Variants in ZNF804B observed in about 807,000 individuals in gnomAD.
The protein encoded by ZNF804B is zinc finger 804B.
ZNF804B carries 80 observed loss-of-function variants against 101.4 expected under a neutral mutation model. That is an observed-to-expected ratio of 0.79 (90% CI 0.66 to 0.95). The LOEUF (loss-of-function observed/expected upper bound fraction) is 0.95. Among genes scored for constraint, ZNF804B ranks in the 40% least tolerant of loss-of-function variants. The probability of loss-of-function intolerance (pLI) is 0.00; values close to 1 mark genes in which losing one functional copy is unlikely to be tolerated. For missense variants in ZNF804B, 1,673 were observed against 1,561.9 expected, an observed-to-expected ratio of 1.07 and a Z score of -1.20; for synonymous variants, 622 against 558.8, an observed-to-expected ratio of 1.11 and a Z score of -1.59.
chr7:88,911,891 G>A (rs1324247259), intron 1 of ZNF804B, among the ~76,000 whole-genome samples: 1 of 151,584 alleles, frequency 6.6e-6, no homozygotes, highest in East Asian at 1.9e-4. Flanking sequence ...TATGTTATAT[G>A]TGTATATCTA....
intron 1 of ZNF804B, among the ~76,000 whole-genome samples, chr7:88,937,698 T>C (rs1792994210): frequency 1.3e-5 from 2 of 151,930 alleles, no homozygotes; most frequent in South Asian, 4.1e-4. Flanking sequence ...GAAGCAAAAG[T>C]CAATGACATA....
At chr7:89,105,803 G>T (rs1472968522) in intron 1 of ZNF804B, among the ~76,000 whole-genome samples, 1 of 152,158 alleles carries the variant, frequency 6.6e-6, no homozygotes, top group Admixed American at 6.6e-5. Context: ...AGCAAGCCCA[G>T]CCAGACCTCT....
At chr7:88,951,821 T>G (rs947546750) in intron 1 of ZNF804B, among the ~76,000 whole-genome samples, 5 of 151,962 alleles carry the variant, frequency 3.3e-5, no homozygotes, top group African/African-American at 1.2e-4. Context: ...TTTAACATAT[T>G]TCTGAATAAC....
rs189057288 is a variant in ZNF804B, at chr7:88,948,276, A to C, written c.108+188192A>C. Among the ~76,000 whole-genome samples the C allele has an allele frequency of 5.3e-5, 8 of 150,840 alleles. No homozygotes were observed. The East Asian group carries it at 1.6e-3, about 30-fold the overall frequency. ...TAGAGACAAGGTCGCCTCAGCACAG[A>C]AACAACCTTCGTGTACTAGCCACCC... is the stretch of plus-strand genomic sequence containing the variant. On this transcript the variant is annotated intron_variant, in intron 1 of 3. Coordinates refer to ENST00000333190, the MANE Select transcript of ZNF804B (RefSeq NM_181646.5).
chr7:88,769,056 G>T (rs571437328), intron 1 of ZNF804B, among the ~76,000 whole-genome samples: 15 of 152,204 alleles, frequency 9.9e-5, no homozygotes, highest in Admixed American at 1.3e-4. Flanking sequence ...CAGATTGTGT[G>T]TGTTGATATG....
intron 1 of ZNF804B, among the ~76,000 whole-genome samples, chr7:89,062,145 A>G (rs1263661983): frequency 1.3e-5 from 2 of 152,130 alleles, no homozygotes; most frequent in Non-Finnish European, 2.9e-5. Flanking sequence ...TACTCTGTCA[A>G]TAGGAAGTCT....
intron 2 of ZNF804B, among the ~76,000 whole-genome samples, chr7:89,264,811 A>G (rs968619343): frequency 2.0e-5 from 3 of 152,188 alleles, no homozygotes; most frequent in Non-Finnish European, 4.4e-5. Context: ...TCACTGGCAC[A>G]TCTCCATTAG....
intron 1 of ZNF804B, among the ~76,000 whole-genome samples, chr7:88,943,478 C>G (rs564881049): frequency 1.8e-4 from 28 of 151,900 alleles, no homozygotes; most frequent in Non-Finnish European, 3.8e-4. Context: ...TCAAGCCATA[C>G]AGCAGTAAAT....
chr7:88,846,408 A>T (rs924024446), intron 1 of ZNF804B, among the ~76,000 whole-genome samples: 2 of 152,192 alleles, frequency 1.3e-5, no homozygotes, highest in African/African-American at 4.8e-5. Context: ...TACAAAAAGG[A>T]GGAATGAAAA....
rs1791136617 is a variant in ZNF804B at position 89,338,375 on chromosome 7, C to T, written c.*1343C>T. Among the ~76,000 whole-genome samples, 1 of 151,992 alleles carries T rather than the reference C, an allele frequency of 6.6e-6. No homozygotes were observed. The highest frequency in any genetic ancestry group is 2.4e-5 in the African/African-American group (1 of 41,400). Reference sequence around the variant, plus strand: ...TACCCTATCCACTTGTTTGCATTATCTTCTTTAATTTTCACAACTGTATTT... The same window carrying T: ...TACCCTATCCACTTGTTTGCATTATTTTCTTTAATTTTCACAACTGTATTT... On this transcript the variant is annotated 3_prime_UTR_variant, in exon 4 of 4. Transcript: ENST00000333190.
At chr7:88,973,291 A>G (rs1004540754) in intron 1 of ZNF804B, among the ~76,000 whole-genome samples, 4 of 151,324 alleles carry the variant, frequency 2.6e-5, no homozygotes, top group African/African-American at 9.7e-5. Context: ...GAATAAGTTT[A>G]GTTTATTATA....
chr7:88,945,777 G>T (rs1191077568), intron 1 of ZNF804B, among the ~76,000 whole-genome samples: 1 of 152,054 alleles, frequency 6.6e-6, no homozygotes, highest in Admixed American at 6.6e-5. Context: ...GCAGTGGTTT[G>T]TAGTTCTCCT....
intron 1 of ZNF804B, among the ~76,000 whole-genome samples, chr7:89,081,154 G>GA (rs112256391): frequency 0.023 from 3,484 of 151,816 alleles, 160 homozygotes; most frequent in African/African-American, 0.079. Flanking sequence ...CTTAGATTGA[G>GA]AAAAAAAGTC....
At chr7:89,139,541 A>G (rs913471974) in intron 1 of ZNF804B, among the ~76,000 whole-genome samples, 23 of 152,132 alleles carry the variant, frequency 1.5e-4, no homozygotes, top group Non-Finnish European at 2.6e-4. Flanking sequence ...AAATTGAGGT[A>G]ATATTCCAAA....
chr7:89,335,083 C>A lies in ZNF804B; in HGVS notation c.2101C>A (p.Pro701Thr), dbSNP rs1791054795. The A allele has an allele frequency of 5.0e-6, 8 of 1,613,824 alleles. No homozygotes were observed. Among genetic ancestry groups the A allele is most frequent in the Non-Finnish European group, 5.9e-6 (7 of 1,179,918 alleles). The part of the protein sequence containing the change: ...CGNQRYKRYS[P>T]QSCLSRYSSS... ...AAACCAAAGATACAAGAGATACTCT[C>A]CACAGTCATGTTTGAGTAGATATTC... The change falls in exon 4 of 4, where the codon CCA becomes ACA. Residue 701 changes from proline to threonine, a missense_variant. By Grantham distance (38) the Pro-to-Thr change is conservative. Coordinates refer to ENST00000333190, the MANE Select transcript of ZNF804B (RefSeq NM_181646.5).
intron 1 of ZNF804B, among the ~76,000 whole-genome samples, chr7:88,880,079 G>A (rs1383340611): frequency 6.6e-6 from 1 of 151,936 alleles, no homozygotes; most frequent in Non-Finnish European, 1.5e-5. Context: ...TCTGGGGAGA[G>A]GAGTAATTAA....
intron 1 of ZNF804B, among the ~76,000 whole-genome samples, chr7:89,071,509 T>C (rs1253484187): frequency 6.6e-6 from 1 of 152,038 alleles, no homozygotes; most frequent in East Asian, 1.9e-4. Flanking sequence ...AAAATATAAA[T>C]GAAACTATGA....
At chr7:89,135,118 C>G (rs1790611446) in intron 1 of ZNF804B, among the ~76,000 whole-genome samples, 1 of 152,110 alleles carries the variant, frequency 6.6e-6, no homozygotes, top group South Asian at 2.1e-4. Context: ...CAAAGCGAAT[C>G]AAGACCAAGC....
chr7:89,329,461 T>G (rs780794837), intron 3 of ZNF804B, among the ~76,000 whole-genome samples: 6 of 151,756 alleles, frequency 4.0e-5, no homozygotes, highest in Non-Finnish European at 7.4e-5. Flanking sequence ...GGACAATCTT[T>G]TCTTTGTCCT....
Sources: gnomAD v4.1 joint callset for allele counts (sites outside exome capture counted in the v4.1 genomes callset) on GRCh38, gnomAD v4.1.1 for gene constraint, MANE v1.5 for transcripts, NCBI Gene and HGNC (gene_info 2026-07-23, HGNC 2026-07-21) for gene names.